Variants in PDE11A observed in about 807,000 individuals in gnomAD.
PDE11A encodes the protein dual 3',5'-cyclic-AMP and -GMP phosphodiesterase 11A.
Under a neutral mutation model 100.5 loss-of-function variants are expected in PDE11A, and 100 were observed. That is an observed-to-expected ratio of 1.00 (90% CI 0.85 to 1.18). The LOEUF is 1.18. Ranked by LOEUF, PDE11A falls within the 50% of genes most tolerant of loss-of-function variation. The pLI is 0.00. For missense variants in PDE11A, 1,141 were observed against 1,152.6 expected (o/e 0.99, Z 0.15); for synonymous variants, 381 against 420.8 (o/e 0.91, Z 1.16).
chr2:177,881,772 T>C (rs963848513), intron 4 of PDE11A, among the ~76,000 whole-genome samples: 1 of 152,284 alleles, frequency 6.6e-6, no homozygotes. Context: ...GCCTGCTTTC[T>C]ACTATAACAG....
At chr2:177,740,027 A>G (rs2081850241) in intron 10 of PDE11A, among the ~76,000 whole-genome samples, 1 of 152,208 alleles carries the variant, frequency 6.6e-6, no homozygotes, top group African/African-American at 2.4e-5. Context: ...ACATACATGC[A>G]CACATCTCAT....
chr2:177,746,291 T>G (rs1392044885), intron 10 of PDE11A, among the ~76,000 whole-genome samples: 1 of 151,928 alleles, frequency 6.6e-6, no homozygotes, highest in African/African-American at 2.4e-5. Context: ...TACTGAAGCA[T>G]AGAAAGATAC....
At chr2:177,806,557 A>G (rs2082874787) in intron 9 of PDE11A, among the ~76,000 whole-genome samples, 1 of 152,162 alleles carries the variant, frequency 6.6e-6, no homozygotes, top group African/African-American at 2.4e-5. Flanking sequence ...GTTCAAACAA[A>G]TCTAGTAAAA....
intron 19 of PDE11A, among the ~76,000 whole-genome samples, chr2:177,643,201 CA>C (rs2080170766): frequency 6.6e-6 from 1 of 152,108 alleles, no homozygotes; most frequent in Non-Finnish European, 1.5e-5. Context: ...GGGTAACAGG[CA>C]GATTTTGGAA....
chr2:177,658,441 C>T (rs778452242), intron 19 of PDE11A, among the ~76,000 whole-genome samples: 10 of 151,616 alleles, frequency 6.6e-5, no homozygotes, highest in Non-Finnish European at 1.2e-4. Context: ...TTCTGTCTTT[C>T]CTTCTCTCCT....
intron 10 of PDE11A, among the ~76,000 whole-genome samples, chr2:177,762,632 C>T (rs1304636794): frequency 2.0e-5 from 3 of 152,148 alleles, no homozygotes; most frequent in Non-Finnish European, 1.5e-5. Flanking sequence ...TGCGCCTTCC[C>T]GTGTGACACT....
chr2:177,973,110 C>T (rs917787138), intron 2 of PDE11A, among the ~76,000 whole-genome samples: 3 of 151,812 alleles, frequency 2.0e-5, no homozygotes, highest in East Asian at 3.9e-4. Context: ...GGAACAGCTC[C>T]GGTCTACAGC....
chr2:178,009,683 C>A (rs181164667), intron 2 of PDE11A, among the ~76,000 whole-genome samples: 271 of 152,266 alleles, frequency 1.8e-3, no homozygotes, highest in African/African-American at 6.2e-3. Flanking sequence ...CATGATGTAG[C>A]ACAGCCACTG....
At chr2:177,673,189 T>G (rs1018579543) in intron 17 of PDE11A, among the ~76,000 whole-genome samples, 1 of 152,228 alleles carries the variant, frequency 6.6e-6, no homozygotes, top group African/African-American at 2.4e-5. Context: ...AAAAGCTGAC[T>G]AAACGTACAA....
intron 10 of PDE11A, among the ~76,000 whole-genome samples, chr2:177,734,304 GA>G (rs2081740339): frequency 6.6e-6 from 1 of 152,012 alleles, no homozygotes; most frequent in Non-Finnish European, 1.5e-5. Context: ...AGACCATGCT[GA>G]AAAAATAACT....
chr2:177,922,156 C>G (rs1329891291), intron 2 of PDE11A, among the ~76,000 whole-genome samples: 1 of 152,138 alleles, frequency 6.6e-6, no homozygotes, highest in African/African-American at 2.4e-5. Context: ...ATCTTATCTA[C>G]AACACTGGAT....
intron 5 of PDE11A, among the ~76,000 whole-genome samples, chr2:177,872,950 T>TA (rs1362671207): frequency 1.3e-5 from 2 of 152,210 alleles, no homozygotes; most frequent in Non-Finnish European, 2.9e-5. Context: ...TACATTAATT[T>TA]AAAAGCCATA....
intron 1 of PDE11A, among the ~76,000 whole-genome samples, chr2:178,020,492 A>G (rs968072166): frequency 5.3e-5 from 8 of 152,166 alleles, no homozygotes; most frequent in African/African-American, 1.9e-4. Context: ...ATAAACTGAT[A>G]ACTTAAAGAG....
At chr2:178,045,134 A>C (rs542590609) in intron 1 of PDE11A, among the ~76,000 whole-genome samples, 1 of 152,086 alleles carries the variant, frequency 6.6e-6, no homozygotes, top group Non-Finnish European at 1.5e-5. Flanking sequence ...TATACACTAG[A>C]GCTTCAGGTT....
At chr2:177,642,166 G>T (rs769897525) in intron 19 of PDE11A, among the ~76,000 whole-genome samples, 15 of 152,194 alleles carry the variant, frequency 9.9e-5, no homozygotes, top group Non-Finnish European at 2.1e-4. Flanking sequence ...TTTATCTTCA[G>T]GAATATCTCA....
intron 5 of PDE11A, among the ~76,000 whole-genome samples, chr2:177,851,383 C>T (rs1384442231): frequency 6.6e-6 from 1 of 151,576 alleles, no homozygotes; most frequent in Non-Finnish European, 1.5e-5. Flanking sequence ...CCAGGCCTGT[C>T]GTGGGGTGGG....
In PDE11A at chr2:177,804,104, T is replaced by C. The variant is rs547332263; in HGVS notation, c.1737+12725A>G. 2.6e-5 allele frequency among the ~76,000 whole-genome samples: 4 copies of C among 151,042 alleles called. No individual in the cohort carries two copies. The South Asian group carries it at 8.4e-4, about 32-fold the overall frequency. ...AAAGCAAAGGCAACAAAAACAAAAA[T>C]AGACAAATGAGACTGAAGCTAAAAC... is the stretch of plus-strand genomic sequence containing the variant. On this transcript the variant is annotated intron_variant, in intron 9 of 19. Transcript: ENST00000286063.
intron 9 of PDE11A, among the ~76,000 whole-genome samples, chr2:177,811,310 A>G (rs1179302240): frequency 1.3e-5 from 2 of 152,094 alleles, no homozygotes; most frequent in African/African-American, 4.8e-5. Context: ...AGTTATTAAA[A>G]TGATAGTAAA....
At chr2:177,955,539 C>T (rs998058257) in intron 2 of PDE11A, among the ~76,000 whole-genome samples, 1 of 152,150 alleles carries the variant, frequency 6.6e-6, no homozygotes, top group Non-Finnish European at 1.5e-5. Flanking sequence ...GTCTAAGAGA[C>T]ATTGAAGAGC....
Sources: gnomAD v4.1 joint callset for allele counts (sites outside exome capture counted in the v4.1 genomes callset) on GRCh38, gnomAD v4.1.1 for gene constraint, MANE v1.5 for transcripts, NCBI Gene and HGNC (gene_info 2026-07-23, HGNC 2026-07-21) for gene names.